The following KSR1 variants were observed in gnomAD, a reference collection of about 807,000 sequenced individuals.
KSR1 encodes the protein kinase suppressor of ras.
A neutral mutation model predicts 92.9 loss-of-function variants in KSR1; 35 were observed. The observed-to-expected ratio is 0.38, with a 90% confidence interval of 0.29 to 0.50. KSR1 has a LOEUF of 0.50. Among genes scored for constraint, KSR1 ranks in the 20% least tolerant of loss-of-function variants. The pLI is 0.94. For synonymous variants in KSR1, 467 were observed against 472.6 expected (o/e 0.99, Z 0.15); for missense variants, 972 against 1,158.5 (o/e 0.84, Z 2.34).
intron 1 of KSR1, among the ~76,000 whole-genome samples, chr17:27,525,465 A>G (rs1417146728): frequency 6.6e-6 from 1 of 152,216 alleles, no homozygotes; most frequent in African/African-American, 2.4e-5. Context: ...ACCGCATGTA[A>G]TGTGCTTGGA....
At chr17:27,528,761 TG>T (rs2070416606) in intron 1 of KSR1, among the ~76,000 whole-genome samples, 1 of 152,078 alleles carries the variant, frequency 6.6e-6, no homozygotes, top group Non-Finnish European at 1.5e-5. Context: ...AAAAGTTAGC[TG>T]GGTATAGTGG....
intron 1 of KSR1, among the ~76,000 whole-genome samples, chr17:27,503,676 G>A (rs1291962356): frequency 6.6e-6 from 1 of 152,140 alleles, no homozygotes; most frequent in Non-Finnish European, 1.5e-5. Context: ...GTTAGGTGTG[G>A]ATGTGTGACT....
intron 1 of KSR1, among the ~76,000 whole-genome samples, chr17:27,503,304 G>C (rs147635472): frequency 6.6e-6 from 1 of 152,186 alleles, no homozygotes; most frequent in African/African-American, 2.4e-5. Flanking sequence ...CCAGCATCTC[G>C]TGGGTAGAGG....
At position 27,623,915 on chromosome 17, in the gene KSR1, A is replaced by T. The variant is rs533838955; in HGVS notation, c.*523A>T. On this transcript the variant is annotated 3_prime_UTR_variant, in exon 21 of 21. Coordinates refer to ENST00000644974, the MANE Select transcript of KSR1 (RefSeq NM_001394583.1). ...TAGGGCTCTCCCCTTGTCCTTTCAAAGGGATACTGCCCCTTCCTCGTCTTG... is the reference window on the plus strand; with the variant it reads ...TAGGGCTCTCCCCTTGTCCTTTCAATGGGATACTGCCCCTTCCTCGTCTTG... The T allele has an allele frequency of 1.5e-4, 51 of 344,760 alleles. No homozygotes were observed. In the East Asian group the frequency reaches 2.5e-3, roughly 17 times the overall value. 21.4% of individuals were successfully genotyped at this position (344,760 alleles called of 1,614,324 possible). A position where few individuals can be genotyped will look rare whatever the true frequency, so the allele number is the denominator to read the frequency against.
intron 5 of KSR1, 31 bp downstream of exon 5, chr17:27,585,692 C>T (rs1233550290): frequency 1.3e-6 from 1 of 756,774 alleles, no homozygotes; most frequent in Admixed American, 1.8e-5. Context: ...TCCCCTCTAC[C>T]ACCTGGGAGT....
At chr17:27,462,844 T>C (rs1381404572) in intron 1 of KSR1, among the ~76,000 whole-genome samples, 1 of 152,254 alleles carries the variant, frequency 6.6e-6, no homozygotes, top group African/African-American at 2.4e-5. Flanking sequence ...TAAATGTACA[T>C]GTGTATATTT....
chr17:27,590,720 C>T, intron 6 of KSR1, 91 bp from the exon 7 acceptor site: 2 of 1,205,310 alleles, frequency 1.7e-6, no homozygotes, highest in Non-Finnish European at 2.4e-6. Context: ...CCAAGACTCC[C>T]AGTTGCCCTG....
At chr17:27,597,527 A>G in intron 10 of KSR1, 91 bp downstream of exon 10, 4 of 1,330,088 alleles carry the variant, frequency 3.0e-6, no homozygotes, top group Non-Finnish European at 4.1e-6. Flanking sequence ...AAGGTCAGAC[A>G]TGGCCACAGC....
At chr17:27,548,250 A>C (rs537332359) in intron 1 of KSR1, among the ~76,000 whole-genome samples, 2 of 151,752 alleles carry the variant, frequency 1.3e-5, no homozygotes, top group African/African-American at 4.8e-5. Flanking sequence ...AAAAAAGATA[A>C]AGATAAAAAA....
At chr17:27,557,160 A>G (rs1455332474) in intron 2 of KSR1, among the ~76,000 whole-genome samples, 1 of 152,188 alleles carries the variant, frequency 6.6e-6, no homozygotes, top group Non-Finnish European at 1.5e-5. Flanking sequence ...TCTGTGGGGC[A>G]GCTGGTCTGG....
At chr17:27,612,231 T>G (rs2151251876) in intron 18 of KSR1, among the ~76,000 whole-genome samples, 1 of 152,342 alleles carries the variant, frequency 6.6e-6, no homozygotes, top group South Asian at 2.1e-4. Flanking sequence ...AGCGTTGCAC[T>G]GGGAATATGC....
At chr17:27,512,905 G>A (rs568619944) in intron 1 of KSR1, among the ~76,000 whole-genome samples, 12 of 152,192 alleles carry the variant, frequency 7.9e-5, no homozygotes, top group Admixed American at 2.0e-4. Context: ...TGTAACCACC[G>A]TCCAAGAGAA....
In KSR1 at chr17:27,603,886, C is replaced by T; in HGVS notation, c.1563C>T (p.Thr521=). Residue 521 remains threonine, a splice_region_variant and synonymous_variant, in exon 12 of 21, where the codon ACC becomes ACT. Transcript: ENST00000644974. ...AAPLPEAADG[T]RLDDQPKADV... ...CGCTCCCTGAAGCTGCCGACGGTAC[C>T]CGGTAGGCATCCCTAGGTGGTGTCC... The T allele has an allele frequency of 6.2e-7, 1 of 1,612,616 alleles. No individual in the cohort carries two copies. Among genetic ancestry groups the T allele is most frequent in the Non-Finnish European group, 8.5e-7 (1 of 1,179,272 alleles).
At chr17:27,524,858 G>A (rs530813391) in intron 1 of KSR1, among the ~76,000 whole-genome samples, 1 of 152,302 alleles carries the variant, frequency 6.6e-6, no homozygotes, top group African/African-American at 2.4e-5. Flanking sequence ...TTCCTGGAGT[G>A]GCAGTGGTGG....
intron 2 of KSR1, among the ~76,000 whole-genome samples, chr17:27,562,733 C>A (rs2071883619): frequency 6.6e-6 from 1 of 152,224 alleles, no homozygotes; most frequent in Non-Finnish European, 1.5e-5. Flanking sequence ...TCTCTTATTA[C>A]CCTTCTTTTA....
At chr17:27,607,478 C>T (rs2073791642) in intron 14 of KSR1, among the ~76,000 whole-genome samples, 1 of 151,888 alleles carries the variant, frequency 6.6e-6, no homozygotes, top group South Asian at 2.1e-4. Context: ...AATAAAAACC[C>T]TGTGATCAAG....
intron 7 of KSR1, 55 bp downstream of exon 7, chr17:27,590,949 C>T: frequency 6.9e-7 from 1 of 1,443,812 alleles, no homozygotes; most frequent in Non-Finnish European, 9.6e-7. Context: ...TTCAGTAAAT[C>T]AAATGCGCTT....
Position 27,585,857 on chromosome 17 carries a change from C to A in KSR1, c.985+196C>A, listed in dbSNP as rs1490695239. The A allele has an allele frequency of 2.1e-5, 13 of 623,432 alleles. No individual in the cohort carries two copies. The African/African-American group carries it at 2.2e-4, about 10-fold the overall frequency. The allele number at this position is 623,432 out of a possible 1,614,324, so 38.6% of individuals were successfully genotyped here. ...CTTAAAGTGACTGGCTGGCTTCAGCCCAGCTGGTGGCTGCTCTCTGAGAAT... is the reference window on the plus strand; with the variant it reads ...CTTAAAGTGACTGGCTGGCTTCAGCACAGCTGGTGGCTGCTCTCTGAGAAT... On this transcript the variant is annotated intron_variant, in intron 5 of 20. Transcript: ENST00000644974.
At chr17:27,604,872 A>G (rs991322550) in intron 13 of KSR1, 144 bp downstream of exon 13, 19 of 784,168 alleles carry the variant, frequency 2.4e-5, no homozygotes, top group East Asian at 1.0e-4. Flanking sequence ...GGTGCATGTC[A>G]GGGAAGAACG....
Sources: gnomAD v4.1 joint callset for allele counts (sites outside exome capture counted in the v4.1 genomes callset) on GRCh38, gnomAD v4.1.1 for gene constraint, MANE v1.5 for transcripts, NCBI Gene and HGNC (gene_info 2026-07-23, HGNC 2026-07-21) for gene names.